The following MXD1 variants were observed in gnomAD, a reference collection of about 807,000 sequenced individuals.
MXD1 encodes MAX-binding protein.
Under a neutral mutation model 25.7 loss-of-function variants are expected in MXD1, and 9 were observed. The ratio of observed to expected loss-of-function variants is 0.35; its 90% CI spans 0.21 to 0.61. The LOEUF (loss-of-function observed/expected upper bound fraction) is 0.61. MXD1 is among the 20% of genes least tolerant of loss of function. The pLI is 0.75. For missense variants in MXD1, 227 were observed against 292.4 expected (o/e 0.78, Z 1.63); for synonymous variants, 99 against 113.9 (o/e 0.87, Z 0.83).
At chr2:69,916,934 T>C (rs528252794) in intron 2 of MXD1, among the ~76,000 whole-genome samples, 1 of 152,300 alleles carries the variant, frequency 6.6e-6, no homozygotes, top group African/African-American at 2.4e-5. Flanking sequence ...CTATGCATAG[T>C]TTCTGGTACA....
intron 3 of MXD1, among the ~76,000 whole-genome samples, chr2:69,933,219 A>AC (rs1302118440): frequency 6.6e-6 from 1 of 150,652 alleles, no homozygotes; most frequent in African/African-American, 2.4e-5. Flanking sequence ...AAAAAAAAAA[A>AC]AAAAACAAAA....
intron 3 of MXD1, among the ~76,000 whole-genome samples, chr2:69,932,999 G>A (rs1299757044): frequency 6.6e-6 from 1 of 152,032 alleles, no homozygotes; most frequent in African/African-American, 2.4e-5. Flanking sequence ...AGGAGTTCGA[G>A]ACCAGCCTGG....
intron 3 of MXD1, among the ~76,000 whole-genome samples, chr2:69,924,794 CT>C (rs1466289957): frequency 6.6e-6 from 1 of 151,708 alleles, no homozygotes; most frequent in East Asian, 1.9e-4. Context: ...AGGAAAAGAA[CT>C]TCTAACAGTG....
At position 69,938,234 on chromosome 2, in the gene MXD1, A is replaced by G. The variant is rs1216603716; in HGVS notation, c.616A>G (p.Ile206Val). Residue 206 changes from isoleucine to valine, a missense_variant, in exon 6 of 6, where the codon ATC (isoleucine) becomes GTC (valine). Physicochemically the swap from Ile to Val is conservative, Grantham distance 29 (BLOSUM62 3). Coordinates refer to ENST00000264444, the MANE Select transcript of MXD1 (RefSeq NM_002357.4). The part of the protein sequence containing the change: ...GSDEGYSSTS[I>V]KRIKLQDSHK... ...TGATGAGGGCTATTCCAGCACCAGC[A>G]TCAAGAGAATAAAGCTGCAGGACAG... is the stretch of plus-strand genomic sequence containing the variant. The G allele has an allele frequency of 1.9e-6, 3 of 1,614,208 alleles. No individual in the cohort carries two copies. The highest frequency in any genetic ancestry group is 2.5e-6 in the Non-Finnish European group (3 of 1,180,034).
chr2:69,937,278 A>G lies in MXD1; in HGVS notation c.362A>G (p.Gln121Arg). The G allele has an allele frequency of 1.9e-6, 3 of 1,614,190 alleles. No homozygotes were observed. The highest frequency in any genetic ancestry group is 1.7e-5 in the Admixed American group (1 of 60,016). The part of the protein sequence containing the change: ...CDRKAVHQID[Q>R]LQREQRHLKR... ...AGAAAAGCCGTTCACCAAATCGACCAGCTTCAGCGAGAGCAGCGACACCTG... is the reference window on the plus strand; with the variant it reads ...AGAAAAGCCGTTCACCAAATCGACCGGCTTCAGCGAGAGCAGCGACACCTG... Residue 121 changes from glutamine (Q) to arginine (R), a missense_variant, in exon 5 of 6, where the codon CAG becomes CGG. Gln to Arg is a conservative substitution (Grantham distance 43, BLOSUM62 1). Transcript: ENST00000264444.
rs1324546609 is a variant in MXD1, at chr2:69,940,077, CTGTTTT to C, written c.*1800_*1805del. On this transcript the variant is annotated 3_prime_UTR_variant, in exon 6 of 6. Coordinates refer to ENST00000264444, the MANE Select transcript of MXD1 (RefSeq NM_002357.4). ...GATTCCAAAGTCACCTGTAATTCTT[CTGTTTT>C]TGTTTTGTTCTGTCTTTTCTTCATT... 2 of 114,250 alleles carry C rather than the reference CTGTTTT, an allele frequency of 1.8e-5. No homozygotes were observed. The highest frequency in any genetic ancestry group is 3.3e-5 in the Non-Finnish European group (2 of 60,036). 7.1% of individuals were successfully genotyped at this position (114,250 alleles called of 1,614,324 possible).
At chr2:69,937,499 C>T in intron 5 of MXD1, 105 bp downstream of exon 5, 1 of 1,133,228 alleles carries the variant, frequency 8.8e-7, no homozygotes, top group Non-Finnish European at 1.2e-6. Flanking sequence ...AACTAAGACA[C>T]TGGGTATGAT....
rs1677583931 is a variant in MXD1, at chr2:69,940,983, T to C, written c.*2699T>C. The C allele has an allele frequency of 6.6e-6, 1 of 152,646 alleles. No individual in the cohort carries two copies. The highest frequency in any genetic ancestry group is 1.5e-5 in the Non-Finnish European group (1 of 68,040). 9.5% of individuals were successfully genotyped at this position (152,646 alleles called of 1,614,324 possible). ...AGAGCTATAGTCTTTTTAGTTGTTT[T>C]GTCTTTTTAAGCAAGATGAAAACCT... On this transcript the variant is annotated 3_prime_UTR_variant, in exon 6 of 6. Transcript: ENST00000264444.
intron 4 of MXD1, among the ~76,000 whole-genome samples, chr2:69,935,887 A>G (rs1453244174): frequency 6.6e-6 from 1 of 152,032 alleles, no homozygotes; most frequent in Non-Finnish European, 1.5e-5. Context: ...AGTCCTTCCA[A>G]GGTGCAAATC....
At position 69,930,979 on chromosome 2, in the gene MXD1, A is replaced by G. The variant is rs115477859; in HGVS notation, c.204-4372A>G. On this transcript the variant is annotated intron_variant, in intron 3 of 5. Transcript: ENST00000264444. ...TTAAGTAATTTGCCCAGGGTCACACAGGGAGTAAGTGGCAGAGCCAGGATC... is the reference window on the plus strand; with the variant it reads ...TTAAGTAATTTGCCCAGGGTCACACGGGGAGTAAGTGGCAGAGCCAGGATC... Among the ~76,000 whole-genome samples the G allele has an allele frequency of 6.8e-3, 1,038 of 152,326 alleles. 12 individuals carry two copies. Among genetic ancestry groups the G allele is most frequent in the African/African-American group, 0.024 (997 of 41,566 alleles).
chr2:69,915,511 A>G lies in MXD1; in HGVS notation c.73+108A>G. Reference sequence around the variant, plus strand: ...TCCGGGGGTGGTTGGAGGCGGGGAGACCGCGAGCGCTCCCAACCCCTCTGG... The same window carrying G: ...TCCGGGGGTGGTTGGAGGCGGGGAGGCCGCGAGCGCTCCCAACCCCTCTGG... On this transcript the variant is annotated intron_variant, in intron 1 of 5. Transcript: ENST00000264444. The surrounding 1 kb of genome is among the most constrained non-coding windows in gnomAD (Gnocchi z 5.8). 1.1e-6 allele frequency: 1 copy of G among 918,118 alleles called. No homozygotes were observed. Among genetic ancestry groups the G allele is most frequent in the Non-Finnish European group, 1.5e-6 (1 of 687,442 alleles). The allele number at this position is 918,118 out of a possible 1,614,324, so 56.9% of individuals were successfully genotyped here.
At chr2:69,922,504 T>C (rs920801268) in intron 3 of MXD1, among the ~76,000 whole-genome samples, 5 of 152,152 alleles carry the variant, frequency 3.3e-5, no homozygotes, top group Non-Finnish European at 5.9e-5. Flanking sequence ...ATTATACACA[T>C]ACACTTGTAT....
At chr2:69,935,259 G>T in intron 3 of MXD1, 92 bp from the exon 4 acceptor site, 5 of 872,538 alleles carry the variant, frequency 5.7e-6, no homozygotes, top group Non-Finnish European at 5.7e-6. Flanking sequence ...CAAGGCCTGG[G>T]CAACTTCACA....
chr2:69,915,376 G>T lies in MXD1; in HGVS notation c.46G>T (p.Ala16Ser). The T allele has an allele frequency of 7.8e-7, 1 of 1,285,436 alleles. No individual in the cohort carries two copies. The highest frequency in any genetic ancestry group is 9.9e-7 in the Non-Finnish European group (1 of 1,006,938). The allele number at this position is 1,285,436 out of a possible 1,614,324, so 79.6% of individuals were successfully genotyped here. The change falls in exon 1 of 6, where the codon GCC becomes TCC. Residue 16 changes from alanine to serine, a missense_variant. Physicochemically the swap from Ala to Ser is moderately conservative, Grantham distance 99. Transcript: ENST00000264444. The surrounding 1 kb of genome is among the most constrained non-coding windows in gnomAD (Gnocchi z 5.8). ...RMNIQMLLEA[A>S]DYLERREREA... ...GAACATCCAGATGCTGCTGGAGGCG[G>T]CCGACTATCTGGAGCGGCGGGAGAG...
chr2:69,935,728 C>G (rs1185807890), intron 4 of MXD1, among the ~76,000 whole-genome samples: 1 of 152,214 alleles, frequency 6.6e-6, no homozygotes, highest in Non-Finnish European at 1.5e-5. Flanking sequence ...TGCTCCTTAA[C>G]CATATATCTA....
chr2:69,925,660 C>A (rs1209029925), intron 3 of MXD1, among the ~76,000 whole-genome samples: 1 of 152,086 alleles, frequency 6.6e-6, no homozygotes, highest in African/African-American at 2.4e-5. Context: ...TTACTTAATG[C>A]CCAGTATTAT....
At chr2:69,928,389 A>G (rs764588559) in intron 3 of MXD1, among the ~76,000 whole-genome samples, 31 of 152,326 alleles carry the variant, frequency 2.0e-4, no homozygotes, top group Non-Finnish European at 3.8e-4. Flanking sequence ...GTGAGGGAAA[A>G]GAAAGAATAT....
chr2:69,931,699 T>G (rs1301969098), intron 3 of MXD1, among the ~76,000 whole-genome samples: 1 of 152,208 alleles, frequency 6.6e-6, no homozygotes, highest in Non-Finnish European at 1.5e-5. Context: ...GTATCTAAAT[T>G]TGTTATTACT....
chr2:69,935,268 C>A, intron 3 of MXD1, 83 bp from the exon 4 acceptor site: 5 of 969,534 alleles, frequency 5.2e-6, no homozygotes, highest in Non-Finnish European at 8.2e-6. Context: ...GGCAACTTCA[C>A]ACTCTTTGAG....
Sources: gnomAD v4.1 joint callset for allele counts (sites outside exome capture counted in the v4.1 genomes callset) on GRCh38, gnomAD v4.1.1 for gene constraint, Gnocchi (gnomAD v3.1) non-coding constraint, MANE v1.5 for transcripts, NCBI Gene and HGNC (gene_info 2026-07-23, HGNC 2026-07-21) for gene names.